Variants in UBE2QL1 observed in about 807,000 individuals in gnomAD.
UBE2QL1 encodes the protein ubiquitin conjugating enzyme E2 QL1.
In UBE2QL1, 5 loss-of-function variants were observed where a neutral mutation model predicts 12.6. That is an observed-to-expected ratio of 0.40 (90% CI 0.21 to 0.83). The LOEUF (loss-of-function observed/expected upper bound fraction) is 0.83, where lower values mean the gene tolerates loss of function less well. Among genes scored for constraint, UBE2QL1 ranks in the 40% least tolerant of loss-of-function variants. The pLI, the probability that UBE2QL1 is intolerant of heterozygous loss-of-function variation, is 0.37. For synonymous variants in UBE2QL1, 96 were observed against 94.5 expected (o/e 1.02, Z -0.10); for missense variants, 99 against 222.6 (o/e 0.44, Z 3.53).
intron 1 of UBE2QL1, among the ~76,000 whole-genome samples, chr5:6,454,654 G>A (rs999789154): frequency 2.6e-5 from 4 of 152,188 alleles, no homozygotes; most frequent in Non-Finnish European, 5.9e-5. Flanking sequence ...GCACTGGATG[G>A]AGAATGTTGC....
At chr5:6,459,623 C>CA (rs1449190511) in intron 1 of UBE2QL1, among the ~76,000 whole-genome samples, 1 of 152,180 alleles carries the variant, frequency 6.6e-6, no homozygotes. Context: ...GTTATCAGAA[C>CA]ATGTTTTTAA....
rs1734246633 is a variant in UBE2QL1, at chr5:6,476,930, A to AGGGACCCCGAAATTCCC, written c.355-14287_355-14271dup. On this transcript the variant is annotated intron_variant, in intron 1 of 1. Transcript: ENST00000399816. This position sits in a 1 kb window ranked among gnomAD's most constrained non-coding sequence, Gnocchi z 4.9. ...CCCTTGGAAACCAGACCCAAACTCC[A>AGGGACCCCGAAATTCCC]GGGACCCCGAAATTCCCACCTTCAC... 1.3e-5 allele frequency among the ~76,000 whole-genome samples: 2 copies of AGGGACCCCGAAATTCCC among 152,186 alleles called. No homozygotes were observed. Among genetic ancestry groups the AGGGACCCCGAAATTCCC allele is most frequent in the Admixed American group, 1.3e-4 (2 of 15,290 alleles).
intron 1 of UBE2QL1, among the ~76,000 whole-genome samples, chr5:6,484,974 G>GGA (rs900551894): frequency 6.6e-6 from 1 of 151,934 alleles, no homozygotes; most frequent in Non-Finnish European, 1.5e-5. Flanking sequence ...TCCACAGCAG[G>GGA]GAGGCTCACA....
At chr5:6,452,929 C>T (rs1739439023) in intron 1 of UBE2QL1, among the ~76,000 whole-genome samples, 1 of 152,142 alleles carries the variant, frequency 6.6e-6, no homozygotes, top group Admixed American at 6.5e-5. Flanking sequence ...TGGCTCACCT[C>T]CTGAGTGTCC....
rs1734368969 is a variant in UBE2QL1, at chr5:6,481,833, G to T, written c.355-9385G>T. Reference sequence around the variant, plus strand: ...AAATGACCATCCACAAGGAAAACATGGCCCAATGTGCGCCCACCTGCAGAA... The same window carrying T: ...AAATGACCATCCACAAGGAAAACATTGCCCAATGTGCGCCCACCTGCAGAA... On this transcript the variant is annotated intron_variant, in intron 1 of 1. Transcript: ENST00000399816. The surrounding 1 kb of genome is among the most constrained non-coding windows in gnomAD (Gnocchi z 4.5). 6.6e-6 allele frequency among the ~76,000 whole-genome samples: 1 copy of T among 152,212 alleles called. No homozygotes were observed. The highest frequency in any genetic ancestry group is 2.1e-4 in the South Asian group (1 of 4,836).
chr5:6,477,907 G>T (rs1258668254), intron 1 of UBE2QL1, among the ~76,000 whole-genome samples: 2 of 152,176 alleles, frequency 1.3e-5, no homozygotes, highest in African/African-American at 4.8e-5. Context: ...CCAGACAAAA[G>T]ACAGACCTGG....
chr5:6,462,027 A>T (rs1271235715), intron 1 of UBE2QL1, among the ~76,000 whole-genome samples: 2 of 152,118 alleles, frequency 1.3e-5, no homozygotes, highest in East Asian at 3.9e-4. Flanking sequence ...ATTGGCCATG[A>T]TGAAGGCCAG....
intron 1 of UBE2QL1, among the ~76,000 whole-genome samples, chr5:6,458,047 A>G (rs1293640616): frequency 2.0e-5 from 3 of 152,234 alleles, no homozygotes; most frequent in Admixed American, 2.0e-4. Context: ...TAGGAGAAAG[A>G]TAATTATTAC....
At chr5:6,455,786 C>A (rs1308484495) in intron 1 of UBE2QL1, among the ~76,000 whole-genome samples, 1 of 152,068 alleles carries the variant, frequency 6.6e-6, no homozygotes, top group African/African-American at 2.4e-5. Flanking sequence ...CAGCCCAGAG[C>A]TTCAGAAGTG....
chr5:6,470,493 C>T (rs1372456203), intron 1 of UBE2QL1, among the ~76,000 whole-genome samples: 3 of 152,110 alleles, frequency 2.0e-5, no homozygotes, highest in Admixed American at 2.0e-4. Flanking sequence ...TGTTTTTCTG[C>T]ACCCGTGAAC....
At position 6,478,221 on chromosome 5, in the gene UBE2QL1, A is replaced by T. The variant is rs1734280599; in HGVS notation, c.355-12997A>T. ...ATCTGAAGACTTCCAGTGGTTCCAA[A>T]ATCTCATTTACTTTATTTTTTGACA... On this transcript the variant is annotated intron_variant, in intron 1 of 1. Coordinates refer to ENST00000399816, the MANE Select transcript of UBE2QL1 (RefSeq NM_001145161.3). This position sits in a 1 kb window ranked among gnomAD's most constrained non-coding sequence, Gnocchi z 4.5. 6.6e-6 allele frequency among the ~76,000 whole-genome samples: 1 copy of T among 152,176 alleles called. No homozygotes were observed. Among genetic ancestry groups the T allele is most frequent in the South Asian group, 2.1e-4 (1 of 4,818 alleles).
chr5:6,482,428 C>T (rs1274391368), intron 1 of UBE2QL1, among the ~76,000 whole-genome samples: 1 of 152,186 alleles, frequency 6.6e-6, no homozygotes, highest in African/African-American at 2.4e-5. Context: ...CCCACCCTCA[C>T]GTGGCGTCTG....
In UBE2QL1 at chr5:6,494,705, A is replaced by G. The variant is rs191719904; in HGVS notation, c.*3356A>G. On this transcript the variant is annotated 3_prime_UTR_variant, in exon 2 of 2. Transcript: ENST00000399816. ...TTAGAACCCACTTAGATATCGACTC[A>G]GAATGATCAATTACAGTGGTTAAAA... 6.7e-3 allele frequency: 1,023 copies of G among 152,354 alleles called. 7 individuals are homozygous for G. Among genetic ancestry groups the G allele is most frequent in the Non-Finnish European group, 0.011 (727 of 68,036 alleles). 9.4% of individuals were successfully genotyped at this position (152,354 alleles called of 1,614,324 possible). A position where few individuals can be genotyped will look rare whatever the true frequency, so the allele number is the denominator to read the frequency against.
At chr5:6,463,624 TA>T (rs1739721941) in intron 1 of UBE2QL1, among the ~76,000 whole-genome samples, 1 of 146,380 alleles carries the variant, frequency 6.8e-6, no homozygotes, top group African/African-American at 2.5e-5. Context: ...TTATTATTAT[TA>T]TTATTATTAT....
In UBE2QL1 at chr5:6,476,002, T is replaced by G. The variant is rs1393201787; in HGVS notation, c.355-15216T>G. Among the ~76,000 whole-genome samples, 2 of 152,336 alleles carry G rather than the reference T, an allele frequency of 1.3e-5. No individual in the cohort carries two copies. The highest frequency in any genetic ancestry group is 2.9e-5 in the Non-Finnish European group (2 of 68,036). On this transcript the variant is annotated intron_variant, in intron 1 of 1. Coordinates refer to ENST00000399816, the MANE Select transcript of UBE2QL1 (RefSeq NM_001145161.3). This position sits in a 1 kb window ranked among gnomAD's most constrained non-coding sequence, Gnocchi z 4.9. ...TGCTTTATGAAATACACTTATTTTT[T>G]AAAGTATATTAGGATAACTTGTGAT...
In UBE2QL1 at chr5:6,476,537, A is replaced by C. The variant is rs569695855; in HGVS notation, c.355-14681A>C. 1.5e-3 allele frequency among the ~76,000 whole-genome samples: 225 copies of C among 152,198 alleles called. No individual in the cohort carries two copies. Among genetic ancestry groups the C allele is most frequent in the African/African-American group, 5.2e-3 (215 of 41,536 alleles). ...GAGACAATGACCTCAAAACGGAAAC[A>C]CCTGGGGGGCTCGGTTAAAGAGCCA... On this transcript the variant is annotated intron_variant, in intron 1 of 1. Coordinates refer to ENST00000399816, the MANE Select transcript of UBE2QL1 (RefSeq NM_001145161.3). The surrounding 1 kb of genome is among the most constrained non-coding windows in gnomAD (Gnocchi z 4.9).
At chr5:6,449,535 C>T (rs1739369720) in intron 1 of UBE2QL1, among the ~76,000 whole-genome samples, 1 of 152,050 alleles carries the variant, frequency 6.6e-6, no homozygotes, top group South Asian at 2.1e-4. Context: ...GTCTCTCTAG[C>T]TTGCTCATTC....
chr5:6,489,424 TAAA>T (rs755544915), intron 1 of UBE2QL1, among the ~76,000 whole-genome samples: 1 of 108,528 alleles, frequency 9.2e-6, no homozygotes. Context: ...ATCCTGTCTG[TAAA>T]AAAAAAAAAG....
intron 1 of UBE2QL1, among the ~76,000 whole-genome samples, chr5:6,451,980 T>C (rs551425858): frequency 3.3e-5 from 5 of 152,088 alleles, no homozygotes; most frequent in African/African-American, 1.2e-4. Context: ...GGAGAGTCGT[T>C]ATATTCTAGT....
Sources: gnomAD v4.1 joint callset for allele counts (sites outside exome capture counted in the v4.1 genomes callset) on GRCh38, gnomAD v4.1.1 for gene constraint, Gnocchi (gnomAD v3.1) non-coding constraint, MANE v1.5 for transcripts, NCBI Gene and HGNC (gene_info 2026-07-23, HGNC 2026-07-21) for gene names.